F10: variants seen among roughly 807,000 people sequenced by gnomAD.
The protein encoded by F10 is coagulation factor X, also known as Stuart-Prower factor.
F10 carries 29 observed loss-of-function variants against 37.1 expected under a neutral mutation model. The ratio of observed to expected loss-of-function variants is 0.78; its 90% CI spans 0.58 to 1.07. The LOEUF is 1.07. Among genes scored for constraint, F10 ranks in the 50% least tolerant of loss-of-function variants. F10 has a pLI of 0.00. For synonymous variants in F10, 262 were observed against 268.6 expected (o/e 0.98, Z 0.24); for missense variants, 539 against 667.9 (o/e 0.81, Z 2.13).
chr13:113,149,125 G>C lies in F10; in HGVS notation c.1075G>C (p.Gly359Arg), dbSNP rs1807125798. Residue 359 changes from glycine (G) to arginine (R), a missense_variant, in exon 8 of 8, where the codon GGG (glycine) becomes CGG (arginine). Gly to Arg is a moderately radical substitution (Grantham distance 125). Transcript: ENST00000375559. The surrounding 1 kb of genome is among the most constrained non-coding windows in gnomAD (Gnocchi z 7.5). ...GTCCACGCTGATGACGCAGAAGACG[G>C]GGATTGTGAGCGGCTTCGGGCGCAC... ...AESTLMTQKT[G>R]IVSGFGRTHE... 6.2e-7 allele frequency: 1 copy of C among 1,613,066 alleles called. No homozygotes were observed. Among genetic ancestry groups the C allele is most frequent in the Non-Finnish European group, 8.5e-7 (1 of 1,180,000 alleles).
chr13:113,127,939 G>T (rs900331791), intron 1 of F10, among the ~76,000 whole-genome samples: 1 of 152,136 alleles, frequency 6.6e-6, no homozygotes, highest in South Asian at 2.1e-4. Context: ...AGGGGGCTTG[G>T]GTGGCCAGGC....
At chr13:113,147,347 C>T (rs1011947322) in intron 6 of F10, 32 bp from the exon 7 acceptor site, 2 of 1,490,574 alleles carry the variant, frequency 1.3e-6, no homozygotes, top group Non-Finnish European at 1.9e-6. Flanking sequence ...TCCACCTGGC[C>T]AGCCACACTG....
intron 1 of F10, among the ~76,000 whole-genome samples, chr13:113,126,033 G>A (rs1158282187): frequency 6.6e-6 from 1 of 152,176 alleles, no homozygotes; most frequent in Non-Finnish European, 1.5e-5. Flanking sequence ...AGACAGGGAG[G>A]TGACTGGTGC....
chr13:113,148,420 C>T (rs1453100378), intron 7 of F10, among the ~76,000 whole-genome samples: 1 of 138,898 alleles, frequency 7.2e-6, no homozygotes, highest in Non-Finnish European at 1.5e-5. Context: ...ACACAATTTC[C>T]ATAATATATC....
rs970986376 is a variant in F10 at position 113,146,387 on chromosome 13, T to C, written c.748-992T>C. On this transcript the variant is annotated intron_variant, in intron 6 of 7. Transcript: ENST00000375559. This position sits in a 1 kb window ranked among gnomAD's most constrained non-coding sequence, Gnocchi z 4.5. The stretch of plus-strand genomic sequence containing the variant: ...TCTTGTGGGGCTGAGGAGCTGGACT[T>C]GGAGCTGCAGGCGGGGTTTTGGAGG... 4.6e-5 allele frequency among the ~76,000 whole-genome samples: 7 copies of C among 151,840 alleles called. No individual in the cohort carries two copies. Among genetic ancestry groups the C allele is most frequent in the Non-Finnish European group, 8.8e-5 (6 of 67,942 alleles).
Position 113,139,356 on chromosome 13 carries a change from G to T in F10, c.257-1G>T. ...CCAGTTTCGAAATCCTCTCTTTGCA[G>T]ATGGCGACCAGTGTGAGACCAGTCC... On this transcript the variant is annotated splice_acceptor_variant, in intron 3 of 7. Transcript: ENST00000375559. LOFTEE classifies it high-confidence loss of function. This position sits in a 1 kb window ranked among gnomAD's most constrained non-coding sequence, Gnocchi z 5.2. 6.2e-7 allele frequency: 1 copy of T among 1,613,746 alleles called. No homozygotes were observed. Among genetic ancestry groups the T allele is most frequent in the Non-Finnish European group, 8.5e-7 (1 of 1,179,686 alleles).
At position 113,143,701 on chromosome 13, in the gene F10, G is replaced by GAGAAGA; in HGVS notation, c.503-150_503-149insAGAAGA. 8.6e-6 allele frequency: 10 copies of GAGAAGA among 1,157,454 alleles called. No homozygotes were observed. Among genetic ancestry groups the GAGAAGA allele is most frequent in the South Asian group, 5.1e-5 (3 of 58,904 alleles). The allele number at this position is 1,157,454 out of a possible 1,614,324, so 71.7% of individuals were successfully genotyped here. On this transcript the variant is annotated intron_variant, in intron 5 of 7. Transcript: ENST00000375559. This position sits in a 1 kb window ranked among gnomAD's most constrained non-coding sequence, Gnocchi z 6.8. ...TGCAGATCCGACCCCTGCCGACGAC[G>GAGAAGA]TGGGGCCTCGCCCTGCAAGCCCGCT...
chr13:113,137,067 G>A (rs2036485957), intron 2 of F10, among the ~76,000 whole-genome samples: 1 of 152,206 alleles, frequency 6.6e-6, no homozygotes, highest in South Asian at 2.1e-4. Context: ...TTATAGGCGT[G>A]AGGCACCACG....
rs746889251 is a variant in F10 at position 113,129,695 on chromosome 13, G to C, written c.231+83G>C. On this transcript the variant is annotated intron_variant, in intron 2 of 7. Transcript: ENST00000375559. ...TGGCCCCGCTGCTCCGTCCATCCAGGGGGGCGGCCTGGAGGAAGGGGCAGC... is the reference window on the plus strand; with the variant it reads ...TGGCCCCGCTGCTCCGTCCATCCAGCGGGGCGGCCTGGAGGAAGGGGCAGC... 5.7e-6 allele frequency: 9 copies of C among 1,582,082 alleles called. No homozygotes were observed. The East Asian group carries it at 1.1e-4, about 20-fold the overall frequency.
intron 1 of F10, 99 bp downstream of exon 1, chr13:113,123,024 G>A: frequency 7.4e-7 from 1 of 1,346,554 alleles, no homozygotes; most frequent in Non-Finnish European, 1.0e-6. Context: ...TGGACGGTGG[G>A]TGCCTTGAGT....
rs1041970620 is a variant in F10, at chr13:113,129,460, C to T, written c.79C>T (p.Arg27Cys). Residue 27 changes from arginine (R) to cysteine (C), a missense_variant, in exon 2 of 8, where the codon CGC (arginine) becomes TGC (cysteine). By Grantham distance (180) the Arg-to-Cys change is radical (BLOSUM62 -3). Transcript: ENST00000375559. ...LLLLGESLFIRREQANNILAR... is the reference protein window; with the variant it reads ...LLLLGESLFICREQANNILAR... ...TCCTCCCTGCCTTCCAGTGTTCATC[C>T]GCAGGGAGCAGGCCAACAACATCCT... The T allele has an allele frequency of 7.4e-6, 12 of 1,613,670 alleles. No individual in the cohort carries two copies. The highest frequency in any genetic ancestry group is 2.7e-5 in the African/African-American group (2 of 74,878).
In F10 at chr13:113,148,345, A is replaced by ATATATATATATATATATAT. The variant is rs1555396301; in HGVS notation, c.866-571_866-570insTATATATATATATATATAT. ...AACTCTGTCTCAAAAAAAAAAAAAA[A>ATATATATATATATATATAT]ATATATATATATATATATGTATATA... is the stretch of plus-strand genomic sequence containing the variant. On this transcript the variant is annotated intron_variant, in intron 7 of 7. Transcript: ENST00000375559. 5.2e-4 allele frequency among the ~76,000 whole-genome samples: 50 copies of ATATATATATATATATATAT among 95,368 alleles called. No homozygotes were observed. In the East Asian group the frequency reaches 5.6e-3, roughly 11 times the overall value. 62.6% of individuals were successfully genotyped at this position (95,368 alleles called of 152,430 possible).
At position 113,129,432 on chromosome 13, in the gene F10, C is replaced by T. The variant is rs780285033; in HGVS notation, c.71-20C>T. ...GTGAGGGTGACCAGAGCTTTTAACCCTGTCCTCCCTGCCTTCCAGTGTTCA... is the reference window on the plus strand; with the variant it reads ...GTGAGGGTGACCAGAGCTTTTAACCTTGTCCTCCCTGCCTTCCAGTGTTCA... On this transcript the variant is annotated intron_variant, in intron 1 of 7. Coordinates refer to ENST00000375559, the MANE Select transcript of F10 (RefSeq NM_000504.4). 12 of 1,601,292 alleles carry T rather than the reference C, an allele frequency of 7.5e-6. No individual in the cohort carries two copies. The African/African-American group carries it at 1.2e-4, about 16-fold the overall frequency.
In F10 at chr13:113,122,904, C is replaced by T; in HGVS notation, c.49C>T (p.Leu17Phe). 1 of 1,610,468 alleles carries T rather than the reference C, an allele frequency of 6.2e-7. No homozygotes were observed. The highest frequency in any genetic ancestry group is 8.5e-7 in the Non-Finnish European group (1 of 1,180,010). ...CCTGCTCAGTGCCTCCCTGGCTGGCCTCCTGCTGCTCGGGGAAAGTCGTAA... is the reference window on the plus strand; with the variant it reads ...CCTGCTCAGTGCCTCCCTGGCTGGCTTCCTGCTGCTCGGGGAAAGTCGTAA... ...LVLLSASLAGLLLLGESLFIR... is the reference protein window; with the variant it reads ...LVLLSASLAGFLLLGESLFIR... The change falls in exon 1 of 8, where the codon CTC (leucine) becomes TTC (phenylalanine). Residue 17 changes from leucine to phenylalanine, a missense_variant. This residue lies in a region of F10 where 130 missense variants were observed against 120.0 expected (regional missense o/e 1.08). Coordinates refer to ENST00000375559, the MANE Select transcript of F10 (RefSeq NM_000504.4).
intron 6 of F10, among the ~76,000 whole-genome samples, chr13:113,145,035 C>G (rs184586376): frequency 1.3e-3 from 201 of 152,270 alleles, no homozygotes; most frequent in African/African-American, 4.6e-3. Context: ...CCTGCCACCA[C>G]GCCCAGCTAA....
In F10 at chr13:113,122,891, C is replaced by A. The variant is rs1254124442; in HGVS notation, c.36C>A (p.Ala12=). The A allele has an allele frequency of 1.8e-5, 29 of 1,610,972 alleles. No individual in the cohort carries two copies. The highest frequency in any genetic ancestry group is 2.5e-5 in the Non-Finnish European group (29 of 1,180,018). The change falls in exon 1 of 8, where the codon GCC becomes GCA. Residue 12 remains alanine, a synonymous_variant. Transcript: ENST00000375559. ...CACTGCACCTCGTCCTGCTCAGTGC[C>A]TCCCTGGCTGGCCTCCTGCTGCTCG... ...GRPLHLVLLS[A]SLAGLLLLGE...
chr13:113,143,070 A>G lies in F10; in HGVS notation c.503-781A>G, dbSNP rs564002485. On this transcript the variant is annotated intron_variant, in intron 5 of 7. Coordinates refer to ENST00000375559, the MANE Select transcript of F10 (RefSeq NM_000504.4). The surrounding 1 kb of genome is among the most constrained non-coding windows in gnomAD (Gnocchi z 6.8). ...GGCAGATTCACCGGAGCCTCCTCAG[A>G]CTGCGCAGGAGCACAGCAAGTAAAC... Among the ~76,000 whole-genome samples, 3 of 152,202 alleles carry G rather than the reference A, an allele frequency of 2.0e-5. No individual in the cohort carries two copies. The highest frequency in any genetic ancestry group is 4.1e-4 in the South Asian group (2 of 4,822).
At chr13:113,148,885 A>G in intron 7 of F10, 31 bp from the exon 8 acceptor site, 1 of 1,601,880 alleles carries the variant, frequency 6.2e-7, no homozygotes, top group African/African-American at 1.3e-5. Flanking sequence ...TCCCTGGCTG[A>G]GCTGAGCACA....
At chr13:113,140,448 A>G in intron 4 of F10, 3 of 461,032 alleles carry the variant, frequency 6.5e-6, no homozygotes, top group South Asian at 3.2e-5. Flanking sequence ...GAGAATATCA[A>G]TTACGCATCA....
Sources: gnomAD v4.1 joint callset for allele counts (sites outside exome capture counted in the v4.1 genomes callset) on GRCh38, gnomAD v4.1.1 for gene constraint, gnomAD v4.1.1 regional missense constraint, Gnocchi (gnomAD v3.1) non-coding constraint, MANE v1.5 for transcripts, NCBI Gene and HGNC (gene_info 2026-07-23, HGNC 2026-07-21) for gene names.